SLC39A10: variants seen among roughly 807,000 people sequenced by gnomAD.
The protein encoded by SLC39A10 is zinc transporter ZIP10.
A neutral mutation model predicts 65.1 loss-of-function variants in SLC39A10; 13 were observed. That is an observed-to-expected ratio of 0.20 (90% CI 0.13 to 0.32). The LOEUF (loss-of-function observed/expected upper bound fraction) is 0.32, where lower values mean the gene tolerates loss of function less well. Ranked by LOEUF, SLC39A10 falls within the 10% of genes least tolerant of loss-of-function variation. The pLI is 1.00. For synonymous variants in SLC39A10, 321 were observed against 342.2 expected (o/e 0.94, Z 0.68); for missense variants, 831 against 1,018.4 (o/e 0.82, Z 2.50).
In SLC39A10 at chr2:195,716,867, T is replaced by C. The variant is rs1691833085; in HGVS notation, c.1927T>C (p.Trp643Arg). The C allele has an allele frequency of 1.9e-6, 3 of 1,614,044 alleles. No homozygotes were observed. The Admixed American group carries it at 5.0e-5, about 27-fold the overall frequency. ...TGTGCTGAGGAAGCATAATCACCAG[T>C]GGCACCACAAGCATTCTCATCATTC... ...KTVLRKHNHQWHHKHSHHSHG... is the reference protein window; with the variant it reads ...KTVLRKHNHQRHHKHSHHSHG... Residue 643 changes from tryptophan to arginine, a missense_variant, in exon 7 of 10, where the codon TGG becomes CGG. Coordinates refer to ENST00000359634, the MANE Select transcript of SLC39A10 (RefSeq NM_020342.3).
chr2:195,724,387 C>T (rs1175987864), intron 8 of SLC39A10, among the ~76,000 whole-genome samples: 1 of 152,060 alleles, frequency 6.6e-6, no homozygotes, highest in Non-Finnish European at 1.5e-5. Flanking sequence ...TACAGGTTCT[C>T]ACTGAGAAGG....
intron 2 of SLC39A10, among the ~76,000 whole-genome samples, chr2:195,614,589 A>T (rs976800197): frequency 3.3e-5 from 5 of 152,172 alleles, no homozygotes; most frequent in Admixed American, 6.5e-5. Context: ...GGCTTTTGGT[A>T]TTAATGTTAA....
rs1386091712 is a variant in SLC39A10, at chr2:195,663,928, C to G, written c.-12+6647C>G. Reference sequence around the variant, plus strand: ...AGGTACTGAGCATGGTGCCCAACAACTAGTTTTTCAGCCCTTTCCCTCCTC... The same window carrying G: ...AGGTACTGAGCATGGTGCCCAACAAGTAGTTTTTCAGCCCTTTCCCTCCTC... On this transcript the variant is annotated intron_variant, in intron 1 of 9. Coordinates refer to ENST00000359634, the MANE Select transcript of SLC39A10 (RefSeq NM_020342.3). Among the ~76,000 whole-genome samples the G allele has an allele frequency of 6.6e-5, 10 of 151,510 alleles. No homozygotes were observed. In the East Asian group the frequency reaches 1.9e-3, roughly 29 times the overall value.
intron 3 of SLC39A10, among the ~76,000 whole-genome samples, chr2:195,693,405 A>G (rs1690819761): frequency 1.3e-5 from 2 of 152,132 alleles, no homozygotes; most frequent in African/African-American, 4.8e-5. Flanking sequence ...ATTGGCACCA[A>G]TTCTTTGAAT....
chr2:195,721,021 A>G (rs1415824651), intron 8 of SLC39A10, among the ~76,000 whole-genome samples: 1 of 152,166 alleles, frequency 6.6e-6, no homozygotes, highest in Non-Finnish European at 1.5e-5. Context: ...GGCTTAGTGC[A>G]GCCTTGACCT....
intron 6 of SLC39A10, 108 bp downstream of exon 6, chr2:195,713,661 G>A (rs1205219761): frequency 8.1e-7 from 1 of 1,228,978 alleles, no homozygotes; most frequent in Non-Finnish European, 1.1e-6. Context: ...AAATAATACA[G>A]TAAACTAAAT....
intron 5 of SLC39A10, among the ~76,000 whole-genome samples, chr2:195,711,442 T>A (rs1246764444): frequency 6.6e-6 from 1 of 152,200 alleles, no homozygotes; most frequent in Non-Finnish European, 1.5e-5. Context: ...AAGAACACCT[T>A]GGATGCAGGG....
Position 195,635,684 on chromosome 2 carries a change from G to A in SLC39A10, c.-12+29451G>A, listed in dbSNP as rs1048808116. 1.5e-4 allele frequency among the ~76,000 whole-genome samples: 20 copies of A among 136,024 alleles called. 1 individual carries two copies. Among genetic ancestry groups the A allele is most frequent in the Admixed American group, 2.5e-4 (3 of 12,198 alleles). The allele number at this position is 136,024 out of a possible 152,430, so 89.2% of individuals were successfully genotyped here. The stretch of plus-strand genomic sequence containing the variant: ...AATTGAATTGTGAGCTGAAATGATT[G>A]CTTTTTTTGTGGAACCCCCCCCACT... On this transcript the variant is annotated intron_variant, in intron 2 of 2. Coordinates refer to the SLC39A10 transcript ENST00000458054.
intron 2 of SLC39A10, among the ~76,000 whole-genome samples, chr2:195,648,550 T>C (rs1175027459): frequency 1.3e-5 from 2 of 152,018 alleles, no homozygotes; most frequent in Non-Finnish European, 2.9e-5. Context: ...TGGTGGTGCA[T>C]GCCTGTGGTC....
intron 6 of SLC39A10, among the ~76,000 whole-genome samples, chr2:195,714,994 C>A (rs1432744920): frequency 6.6e-6 from 1 of 151,902 alleles, no homozygotes; most frequent in African/African-American, 2.4e-5. Context: ...CCTCGTGATT[C>A]GCCTGCCTCA....
At chr2:195,619,092 CAAAAAAA>C (rs66627464) in intron 2 of SLC39A10, among the ~76,000 whole-genome samples, 16 of 69,658 alleles carry the variant, frequency 2.3e-4, no homozygotes, top group Non-Finnish European at 3.7e-4. Context: ...GACTCTGTCT[CAAAAAAA>C]AAAAAAAAAA....
chr2:195,628,580 A>G (rs1191573792), intron 2 of SLC39A10, among the ~76,000 whole-genome samples: 1 of 152,250 alleles, frequency 6.6e-6, no homozygotes, highest in African/African-American at 2.4e-5. Context: ...GTGGAAAGAC[A>G]AGTATAAAAC....
At chr2:195,639,066 C>G (rs761377396) in intron 2 of SLC39A10, among the ~76,000 whole-genome samples, 2 of 151,992 alleles carry the variant, frequency 1.3e-5, no homozygotes, top group African/African-American at 2.4e-5. Context: ...AGTGATCCTC[C>G]TGCCTCTGCC....
At chr2:195,624,599 G>A (rs1210378120) in intron 2 of SLC39A10, among the ~76,000 whole-genome samples, 2 of 151,952 alleles carry the variant, frequency 1.3e-5, no homozygotes, top group African/African-American at 4.8e-5. Context: ...TTCAAGCCGG[G>A]CACGATGGCT....
rs764540451 is a variant in SLC39A10, at chr2:195,626,608, A to G, written c.-12+20375A>G. On this transcript the variant is annotated intron_variant, in intron 2 of 2. Coordinates refer to the SLC39A10 transcript ENST00000458054. ...TCTATATATTATCTTAAAAAAAAACAAGACTTACATAATTATGTAGAAATG... is the reference window on the plus strand; with the variant it reads ...TCTATATATTATCTTAAAAAAAAACGAGACTTACATAATTATGTAGAAATG... Among the ~76,000 whole-genome samples, 7 of 152,326 alleles carry G rather than the reference A, an allele frequency of 4.6e-5. No homozygotes were observed. The South Asian group carries it at 6.2e-4, about 14-fold the overall frequency.
intron 2 of SLC39A10, among the ~76,000 whole-genome samples, chr2:195,645,225 T>TAA (rs879534399): frequency 6.9e-6 from 1 of 145,118 alleles, no homozygotes; most frequent in Admixed American, 6.9e-5. Context: ...CTACTTTATT[T>TAA]AAAAAAAAAA....
At chr2:195,688,497 G>A (rs1435440306) in intron 3 of SLC39A10, among the ~76,000 whole-genome samples, 2 of 152,158 alleles carry the variant, frequency 1.3e-5, no homozygotes, top group Non-Finnish European at 2.9e-5. Flanking sequence ...ATTCCAAGTT[G>A]TTAGAAGAAT....
intron 3 of SLC39A10, among the ~76,000 whole-genome samples, chr2:195,699,014 T>G (rs901600481): frequency 1.8e-4 from 27 of 152,076 alleles, no homozygotes; most frequent in African/African-American, 6.0e-4. Flanking sequence ...TTTTTCATGA[T>G]TTAGTCTTGG....
intron 2 of SLC39A10, among the ~76,000 whole-genome samples, chr2:195,615,099 C>T (rs1688177174): frequency 6.6e-6 from 1 of 152,086 alleles, no homozygotes; most frequent in African/African-American, 2.4e-5. Flanking sequence ...TGGTTTCCCT[C>T]ATAGAAGTAC....
Sources: gnomAD v4.1 joint callset for allele counts (sites outside exome capture counted in the v4.1 genomes callset) on GRCh38, gnomAD v4.1.1 for gene constraint, MANE v1.5 for transcripts, NCBI Gene and HGNC (gene_info 2026-07-23, HGNC 2026-07-21) for gene names.